The following CAST variants were observed in gnomAD, a reference collection of about 807,000 sequenced individuals.
CAST encodes MIR583 host.
A neutral mutation model predicts 119.6 loss-of-function variants in CAST; 76 were observed. The ratio of observed to expected loss-of-function variants is 0.64; its 90% CI spans 0.53 to 0.77. CAST has a LOEUF of 0.77. CAST is among the 30% of genes least tolerant of loss of function. The pLI, the probability that CAST is intolerant of heterozygous loss-of-function variation, is 0.00. For missense variants in CAST, 953 were observed against 946.5 expected (o/e 1.01, Z -0.09); for synonymous variants, 319 against 331.6 (o/e 0.96, Z 0.41).
At chr5:96,698,011 C>T (rs1023999511) in intron 3 of CAST, among the ~76,000 whole-genome samples, 7 of 152,182 alleles carry the variant, frequency 4.6e-5, no homozygotes, top group African/African-American at 1.7e-4. Flanking sequence ...TTAGCATACA[C>T]TTAAATTATG....
chr5:96,591,278 A>G lies in CAST; in HGVS notation c.60+61398A>G, dbSNP rs533647940. On this transcript the variant is annotated intron_variant, in intron 1 of 11. Coordinates refer to the CAST transcript ENST00000505143. ...CAAAGTTTGAGGATGGCTGCCTGCA[A>G]AACACAGATTCTGATGAATGGAAGT... 3.2e-4 allele frequency among the ~76,000 whole-genome samples: 49 copies of G among 152,364 alleles called. 1 individual carries two copies. The highest frequency in any genetic ancestry group is 3.4e-3 in the Middle Eastern group (1 of 294).
chr5:96,168,409 A>G, the CAST span, among the ~76,000 whole-genome samples: 2 of 152,200 alleles, frequency 1.3e-5, no homozygotes, highest in African/African-American at 2.4e-5. Flanking sequence ...TTCTGCCTAT[A>G]CAACAGCATG....
At chr5:96,433,216 G>C in the CAST span, 1 of 656,356 alleles carries the variant, frequency 1.5e-6, no homozygotes, top group South Asian at 1.7e-5. Flanking sequence ...GGCGGCGAGC[G>C]CTCAGTGAAG....
the CAST span, among the ~76,000 whole-genome samples, chr5:96,311,991 C>A: frequency 6.6e-6 from 1 of 151,778 alleles, no homozygotes; most frequent in Non-Finnish European, 1.5e-5. Flanking sequence ...TACTTTGTTT[C>A]TTTTTTTCTC....
At chr5:96,390,259 A>G in the CAST span, among the ~76,000 whole-genome samples, 9 of 152,216 alleles carry the variant, frequency 5.9e-5, no homozygotes, top group Non-Finnish European at 1.3e-4. Flanking sequence ...AAAGGAATTA[A>G]CTCCTTAATG....
At chr5:96,397,496 T>A in the CAST span, 8 of 1,602,456 alleles carry the variant, frequency 5.0e-6, no homozygotes, top group South Asian at 5.5e-5. Flanking sequence ...AGTTAATGAA[T>A]GTCCTAATAG....
intron 1 of CAST, among the ~76,000 whole-genome samples, chr5:96,535,141 G>A (rs1306010067): frequency 7.2e-5 from 11 of 152,164 alleles, no homozygotes; most frequent in Admixed American, 6.5e-4. Context: ...AGAAAGCAGA[G>A]AATGAGAGGA....
At chr5:96,408,871 G>A in the CAST span, among the ~76,000 whole-genome samples, 1 of 152,150 alleles carries the variant, frequency 6.6e-6, no homozygotes, top group Non-Finnish European at 1.5e-5. Flanking sequence ...CCTGTGAGTT[G>A]GTGTCCACAT....
the CAST span, among the ~76,000 whole-genome samples, chr5:96,013,194 C>CT: frequency 2.6e-3 from 367 of 142,774 alleles, no homozygotes; most frequent in Non-Finnish European, 3.3e-3. Flanking sequence ...AAAAGGTATG[C>CT]TTTTTTTTTT....
the CAST span, among the ~76,000 whole-genome samples, chr5:96,382,327 T>C: frequency 1.3e-5 from 2 of 152,182 alleles, no homozygotes; most frequent in Non-Finnish European, 2.9e-5. Context: ...TACTACTGTA[T>C]TTCCCTCTCT....
the CAST span, among the ~76,000 whole-genome samples, chr5:95,963,204 T>G: frequency 2.0e-5 from 3 of 152,260 alleles, 1 homozygote; most frequent in South Asian, 6.2e-4. Flanking sequence ...TCTACTGGGA[T>G]TCCCCGGGAA....
intron 19 of CAST, among the ~76,000 whole-genome samples, chr5:96,749,215 G>T (rs1369692878): frequency 6.6e-6 from 1 of 152,182 alleles, no homozygotes; most frequent in African/African-American, 2.4e-5. Flanking sequence ...AGGCTCTGCT[G>T]AAATATGGCT....
the CAST span, among the ~76,000 whole-genome samples, chr5:96,405,199 T>A: frequency 6.6e-6 from 1 of 152,198 alleles, no homozygotes; most frequent in Non-Finnish European, 1.5e-5. Flanking sequence ...CATACTTATC[T>A]TACTGATGAA....
chr5:96,661,010 G>T (rs1422624023), upstream of CAST, among the ~76,000 whole-genome samples: 1 of 151,710 alleles, frequency 6.6e-6, no homozygotes, highest in Non-Finnish European at 1.5e-5. Context: ...TAAGAATGCT[G>T]CTAGCCTATC....
chr5:96,150,597 T>C, the CAST span, among the ~76,000 whole-genome samples: 1 of 152,162 alleles, frequency 6.6e-6, no homozygotes, highest in Non-Finnish European at 1.5e-5. Flanking sequence ...GTATTGAGAA[T>C]GGCCAGCCCT....
the CAST span, chr5:96,397,228 AGG>A: frequency 1.1e-6 from 1 of 914,382 alleles, no homozygotes; most frequent in Non-Finnish European, 1.8e-6. Context: ...TCTACTAAGA[AGG>A]GGTACAATTC....
Position 96,557,277 on chromosome 5 carries a change from G to A in CAST, c.60+27397G>A, listed in dbSNP as rs1343570860. ...AACATGCCAAATTGTAAAGACTATC[G>A]ATGCTAGGAAGAAACTGCATCAACT... On this transcript the variant is annotated intron_variant, in intron 1 of 11. Transcript: ENST00000505143. Among the ~76,000 whole-genome samples, 22 of 151,986 alleles carry A rather than the reference G, an allele frequency of 1.4e-4. No individual in the cohort carries two copies. The East Asian group carries it at 1.5e-3, about 11-fold the overall frequency.
chr5:96,313,656 C>A, the CAST span, among the ~76,000 whole-genome samples: 1 of 152,154 alleles, frequency 6.6e-6, no homozygotes, highest in Admixed American at 6.5e-5. Flanking sequence ...TTTAGTTCTC[C>A]AGGGTAAATA....
chr5:96,228,003 CTG>C, the CAST span, among the ~76,000 whole-genome samples: 42,511 of 146,188 alleles, frequency 0.29, 6,348 homozygotes, highest in Admixed American at 0.4. Flanking sequence ...CTTTCTCTCT[CTG>C]TGTGTGTGTG....
Sources: gnomAD v4.1 joint callset for allele counts (sites outside exome capture counted in the v4.1 genomes callset) on GRCh38, gnomAD v4.1.1 for gene constraint, MANE v1.5 for transcripts, NCBI Gene and HGNC (gene_info 2026-07-23, HGNC 2026-07-21) for gene names.